Variants in RAPGEF5 observed in about 807,000 individuals in gnomAD.
RAPGEF5 encodes M-Ras-regulated GEF.
In RAPGEF5, 65 loss-of-function variants were observed where a neutral mutation model predicts 125.2. The ratio of observed to expected loss-of-function variants is 0.52; its 90% confidence interval spans 0.43 to 0.64. The LOEUF (loss-of-function observed/expected upper bound fraction) is 0.64. RAPGEF5 is among the 30% of genes least tolerant of loss of function. The probability of loss-of-function intolerance (pLI) is 0.00; values close to 1 mark genes in which losing one functional copy is unlikely to be tolerated. For missense variants in RAPGEF5, 958 were observed against 1,048.1 expected (o/e 0.91, Z 1.19); for synonymous variants, 391 against 385.9 (o/e 1.01, Z -0.16).
At chr7:22,261,498 G>A (rs1264103119) in intron 7 of RAPGEF5, among the ~76,000 whole-genome samples, 1 of 152,100 alleles carries the variant, frequency 6.6e-6, no homozygotes, top group Non-Finnish European at 1.5e-5. Context: ...TGTAGCCCCA[G>A]CTACTCAGGA....
chr7:22,229,362 A>C (rs1439500802), intron 8 of RAPGEF5, among the ~76,000 whole-genome samples: 1 of 152,182 alleles, frequency 6.6e-6, no homozygotes, highest in African/African-American at 2.4e-5. Context: ...GCCTAGAGGC[A>C]CATTCCCCAC....
chr7:22,283,542 T>C (rs1782723906), intron 6 of RAPGEF5, among the ~76,000 whole-genome samples: 1 of 152,136 alleles, frequency 6.6e-6, no homozygotes, highest in Non-Finnish European at 1.5e-5. Flanking sequence ...TTTAAAGAAA[T>C]GCACAAAGAA....
At position 22,193,431 on chromosome 7, in the gene RAPGEF5, C is replaced by G. The variant is rs369343509; in HGVS notation, c.1140G>C (p.Pro380=). Residue 380 remains proline (P), a synonymous_variant, in exon 11 of 26, where the codon CCG becomes CCC. Coordinates refer to ENST00000665637, the MANE Select transcript of RAPGEF5 (RefSeq NM_012294.5). ...TCAAAAGGTGCTCCAAAATCTTCTCCGGGGTCCCGGACACCACCACATATC... is the reference window on the plus strand; with the variant it reads ...TCAAAAGGTGCTCCAAAATCTTCTCGGGGGTCCCGGACACCACCACATATC... ...HWRYVVVSGT[P]EKILEHLLND... The G allele has an allele frequency of 1.3e-6, 2 of 1,594,504 alleles. No individual in the cohort carries two copies. Among genetic ancestry groups the G allele is most frequent in the Non-Finnish European group, 1.7e-6 (2 of 1,169,916 alleles).
chr7:22,128,971 T>C (rs1187267475), intron 24 of RAPGEF5, among the ~76,000 whole-genome samples: 2 of 152,200 alleles, frequency 1.3e-5, no homozygotes, highest in Non-Finnish European at 2.9e-5. Flanking sequence ...AGTCATATCA[T>C]TTAGACCTCC....
At chr7:22,219,320 T>A (rs1238236192) in intron 9 of RAPGEF5, among the ~76,000 whole-genome samples, 1 of 151,976 alleles carries the variant, frequency 6.6e-6, no homozygotes, top group Non-Finnish European at 1.5e-5. Context: ...TTTAACTATA[T>A]TCAAACAATA....
chr7:22,193,199 T>G, intron 11 of RAPGEF5, 168 bp downstream of exon 11: 1 of 699,382 alleles, frequency 1.4e-6, no homozygotes, highest in Non-Finnish European at 2.3e-6. Context: ...CATGTGTCCA[T>G]TTATTGGATT....
intron 9 of RAPGEF5, among the ~76,000 whole-genome samples, chr7:22,209,627 A>C (rs1785466503): frequency 6.6e-6 from 1 of 152,070 alleles, no homozygotes; most frequent in African/African-American, 2.4e-5. Context: ...GATCCCATTT[A>C]TTTTTTGCTG....
intron 11 of RAPGEF5, among the ~76,000 whole-genome samples, chr7:22,176,295 A>G (rs1386229668): frequency 6.6e-6 from 1 of 152,124 alleles, no homozygotes; most frequent in African/African-American, 2.4e-5. Flanking sequence ...AGGAGCTACA[A>G]TTCAAGATGA....
chr7:22,221,599 C>T (rs1233619581), intron 8 of RAPGEF5, among the ~76,000 whole-genome samples: 1 of 152,076 alleles, frequency 6.6e-6, no homozygotes, highest in Non-Finnish European at 1.5e-5. Flanking sequence ...TTTTCCGGTG[C>T]TATTCTCGTA....
intron 11 of RAPGEF5, chr7:22,192,580 A>G (rs1220227739): frequency 1.3e-5 from 2 of 152,256 alleles, no homozygotes; most frequent in African/African-American, 4.8e-5. Context: ...AATGCAGGCT[A>G]CAGTCAGAGG....
intron 6 of RAPGEF5, among the ~76,000 whole-genome samples, chr7:22,269,818 G>A (rs1170723258): frequency 6.6e-6 from 1 of 152,190 alleles, no homozygotes; most frequent in Non-Finnish European, 1.5e-5. Flanking sequence ...GGCTCTGGCT[G>A]ACATTCTGAC....
intron 5 of RAPGEF5, among the ~76,000 whole-genome samples, chr7:22,294,613 T>C (rs145607928): frequency 1.3e-3 from 205 of 152,328 alleles, no homozygotes; most frequent in African/African-American, 4.5e-3. Flanking sequence ...CTCACCTTAA[T>C]TGATGGAAAC....
At chr7:22,275,982 G>T (rs901407033) in intron 6 of RAPGEF5, among the ~76,000 whole-genome samples, 2 of 152,174 alleles carry the variant, frequency 1.3e-5, no homozygotes, top group Non-Finnish European at 2.9e-5. Flanking sequence ...AAGAGCAGGT[G>T]TATCTGTGTC....
intron 1 of RAPGEF5, among the ~76,000 whole-genome samples, chr7:22,321,123 T>C (rs1426394270): frequency 6.6e-6 from 1 of 152,192 alleles, no homozygotes; most frequent in East Asian, 1.9e-4. Flanking sequence ...GATTTTTAAG[T>C]CAAATGTATT....
At chr7:22,142,739 G>A (rs865975185) in intron 20 of RAPGEF5, among the ~76,000 whole-genome samples, 1 of 152,206 alleles carries the variant, frequency 6.6e-6, no homozygotes, top group African/African-American at 2.4e-5. Context: ...TTTTGTCTTT[G>A]TGTGAGGAAA....
intron 5 of RAPGEF5, among the ~76,000 whole-genome samples, chr7:22,306,788 C>T (rs929403716): frequency 5.3e-5 from 8 of 152,168 alleles, no homozygotes; most frequent in Non-Finnish European, 8.8e-5. Context: ...CCAGTTCTCC[C>T]AGCACCATTT....
At position 22,145,216 on chromosome 7, in the gene RAPGEF5, G is replaced by A; in HGVS notation, c.2014C>T (p.Leu672=). The change falls in exon 20 of 26, where the codon CTG becomes TTG. Residue 672 remains leucine, a synonymous_variant. Transcript: ENST00000665637. The part of the protein sequence containing the change: ...SLFNSIHEQE[L]IYFTFSRQGS... ...TGTCTGCTGAACGTGAAGTAGATCA[G>A]CTCTTGCTGAAAGAAAATGTATTCA... The A allele has an allele frequency of 6.2e-7, 1 of 1,608,650 alleles. No homozygotes were observed. The highest frequency in any genetic ancestry group is 8.5e-7 in the Non-Finnish European group (1 of 1,177,148).
chr7:22,160,821 C>T (rs1450036315), intron 13 of RAPGEF5, among the ~76,000 whole-genome samples: 2 of 152,076 alleles, frequency 1.3e-5, no homozygotes, highest in African/African-American at 4.8e-5. Context: ...GCTTTCAGGG[C>T]CATAGGTGGA....
chr7:22,349,799 G>A (rs1784295314), intron 1 of RAPGEF5, among the ~76,000 whole-genome samples: 1 of 152,136 alleles, frequency 6.6e-6, no homozygotes, highest in East Asian at 1.9e-4. Flanking sequence ...TTGAAATCAG[G>A]TAGTTCTGGG....
Sources: gnomAD v4.1 joint callset for allele counts (sites outside exome capture counted in the v4.1 genomes callset) on GRCh38, gnomAD v4.1.1 for gene constraint, MANE v1.5 for transcripts, NCBI Gene and HGNC (gene_info 2026-07-23, HGNC 2026-07-21) for gene names.